Variants in MSR1 observed in about 807,000 individuals in gnomAD.
MSR1 encodes the protein macrophage scavenger receptor types I and II.
A neutral mutation model predicts 47.2 loss-of-function variants in MSR1; 53 were observed. The ratio of observed to expected loss-of-function variants is 1.12; its 90% CI spans 0.90 to 1.41. The LOEUF is 1.41. Among genes scored for constraint, MSR1 ranks in the 40% most tolerant of loss-of-function variants. MSR1 has a pLI of 0.00. For synonymous variants in MSR1, 239 were observed against 185.6 expected, an observed-to-expected ratio of 1.29 and a Z score of -2.34; for missense variants, 786 against 546.9, an observed-to-expected ratio of 1.44 and a Z score of -4.36.
At chr8:16,129,868 T>G (rs892737347) in intron 8 of MSR1, among the ~76,000 whole-genome samples, 1 of 152,004 alleles carries the variant, frequency 6.6e-6, no homozygotes, top group Non-Finnish European at 1.5e-5. Context: ...TTGAGCAAAA[T>G]AAATAATCTT....
intron 1 of MSR1, 72 bp downstream of exon 1, chr8:16,192,526 A>C (rs1000493893): frequency 6.6e-6 from 1 of 152,046 alleles, no homozygotes; most frequent in Non-Finnish European, 1.5e-5. Flanking sequence ...ACACACACAC[A>C]GAGTACACAC....
intron 1 of MSR1, among the ~76,000 whole-genome samples, chr8:16,184,575 G>T (rs1333969078): frequency 6.6e-6 from 1 of 152,088 alleles, no homozygotes; most frequent in Admixed American, 6.5e-5. Context: ...TTATTTTTCT[G>T]ATCGCATAAA....
intron 8 of MSR1, among the ~76,000 whole-genome samples, chr8:16,132,400 G>C (rs1207595402): frequency 1.3e-5 from 2 of 151,944 alleles, no homozygotes; most frequent in Non-Finnish European, 2.9e-5. Context: ...CAAGACTATG[G>C]GGTTTTCTAG....
intron 6 of MSR1, among the ~76,000 whole-genome samples, chr8:16,151,831 G>A (rs1395829571): frequency 1.3e-5 from 2 of 152,118 alleles, no homozygotes; most frequent in Non-Finnish European, 2.9e-5. Flanking sequence ...TAGCAGACTG[G>A]TTAAGGGCAT....
chr8:16,132,295 T>C (rs1800279555), intron 8 of MSR1, among the ~76,000 whole-genome samples: 1 of 152,044 alleles, frequency 6.6e-6, no homozygotes, highest in African/African-American at 2.4e-5. Context: ...AGCTTGACTG[T>C]TATTGGTGTA....
Position 16,115,180 on chromosome 8 carries a change from GA to G in MSR1, c.1223-4963del, listed in dbSNP as rs960254971. Among the ~76,000 whole-genome samples, 32 of 150,778 alleles carry G rather than the reference GA, an allele frequency of 2.1e-4. 1 individual carries two copies. The highest frequency in any genetic ancestry group is 3.4e-3 in the Middle Eastern group (1 of 294). On this transcript the variant is annotated intron_variant, in intron 9 of 9. Transcript: ENST00000262101. ...GGCAACAAGAGCGAAACTCCATCTCGAAAAAAAAATTGTTTTCTTTTTGTTT... is the reference window on the plus strand; with the variant it reads ...GGCAACAAGAGCGAAACTCCATCTCGAAAAAAAATTGTTTTCTTTTTGTTT...
Position 16,175,209 on chromosome 8 carries a change from G to T in MSR1, c.195C>A (p.Ile65=), listed in dbSNP as rs768942318. 1.2e-6 allele frequency: 2 copies of T among 1,613,970 alleles called. No homozygotes were observed. The highest frequency in any genetic ancestry group is 1.7e-5 in the Admixed American group (1 of 60,016). ...TACCTGCCACTATTCCAATGAGAGG[G>T]ATGAGAACTGCAAACACGAGGAGGT... The part of the protein sequence containing the change: ...ALYLLVFAVL[I]PLIGIVAAQL... The change falls in exon 3 of 10, where the codon ATC becomes ATA. Residue 65 remains isoleucine, a synonymous_variant. Transcript: ENST00000262101.
intron 8 of MSR1, among the ~76,000 whole-genome samples, chr8:16,128,043 A>G (rs1056092158): frequency 6.6e-6 from 1 of 152,200 alleles, no homozygotes; most frequent in Non-Finnish European, 1.5e-5. Flanking sequence ...ATTGGCAGTA[A>G]ACAAAAGTGA....
At chr8:16,144,285 G>A (rs1490581959) in intron 7 of MSR1, among the ~76,000 whole-genome samples, 9 of 152,044 alleles carry the variant, frequency 5.9e-5, no homozygotes, top group Non-Finnish European at 5.9e-5. Flanking sequence ...TTTTAAAGGG[G>A]TGTGCAGGAG....
Position 16,168,530 on chromosome 8 carries a change from T to C in MSR1, c.558A>G (p.Thr186=), listed in dbSNP as rs979429323. ...CTATGTTGAGCTGCAAATCAAGCAA[T>C]GTGGTATTCAAACTTATTAAGGACT... ...ISKSLISLNT[T]LLDLQLNIEN... Residue 186 remains threonine, a synonymous_variant, in exon 4 of 10, where the codon ACA becomes ACG. Transcript: ENST00000262101. 4 of 1,614,044 alleles carry C rather than the reference T, an allele frequency of 2.5e-6. No individual in the cohort carries two copies. In the African/African-American group the frequency reaches 4.0e-5, roughly 16 times the overall value.
chr8:16,166,699 C>G (rs1441896518), intron 4 of MSR1, among the ~76,000 whole-genome samples: 1 of 152,000 alleles, frequency 6.6e-6, no homozygotes, highest in Non-Finnish European at 1.5e-5. Context: ...AAATGCCACC[C>G]CTGTCTTTCA....
At chr8:16,176,517 A>C (rs1238255986) in intron 2 of MSR1, among the ~76,000 whole-genome samples, 1 of 151,844 alleles carries the variant, frequency 6.6e-6, no homozygotes, top group Non-Finnish European at 1.5e-5. Flanking sequence ...AAAAAGAAAA[A>C]AAAAAAAAGG....
chr8:16,182,828 G>C (rs1585197472), intron 1 of MSR1, among the ~76,000 whole-genome samples: 1 of 152,040 alleles, frequency 6.6e-6, no homozygotes, highest in Non-Finnish European at 1.5e-5. Flanking sequence ...AATAGGAGGA[G>C]TACACACCAA....
At chr8:16,132,335 T>C (rs1358710699) in intron 8 of MSR1, among the ~76,000 whole-genome samples, 1 of 152,104 alleles carries the variant, frequency 6.6e-6, no homozygotes, top group Non-Finnish European at 1.5e-5. Flanking sequence ...TGTACACTGA[T>C]TTTGTATCCT....
At chr8:16,118,684 A>G (rs967800000) in intron 9 of MSR1, among the ~76,000 whole-genome samples, 1 of 151,936 alleles carries the variant, frequency 6.6e-6, no homozygotes, top group African/African-American at 2.4e-5. Context: ...CTCCAAAACC[A>G]AAAAAACAAA....
chr8:16,186,163 T>C (rs1801992490), intron 1 of MSR1: 9 of 1,534,944 alleles, frequency 5.9e-6, no homozygotes, highest in Non-Finnish European at 7.9e-6. Context: ...GCTCACGGTT[T>C]TTTGTTGAGA....
At position 16,175,171 on chromosome 8, in the gene MSR1, C is replaced by T. The variant is rs1456871368; in HGVS notation, c.217+16G>A. ...CGGGACGAGTTACTAAATTTCAAAA[C>T]TCTGGGTTACGTTACCTGCCACTAT... is the stretch of plus-strand genomic sequence containing the variant. On this transcript the variant is annotated intron_variant, in intron 3 of 9. Transcript: ENST00000262101. The T allele has an allele frequency of 6.2e-7, 1 of 1,606,932 alleles. No homozygotes were observed. The highest frequency in any genetic ancestry group is 8.5e-7 in the Non-Finnish European group (1 of 1,173,590).
intron 9 of MSR1, among the ~76,000 whole-genome samples, chr8:16,115,006 C>T (rs1240892773): frequency 4.6e-5 from 7 of 151,600 alleles, no homozygotes; most frequent in Non-Finnish European, 7.4e-5. Context: ...GGAGAAACCC[C>T]GTCTCTACTA....
At chr8:16,144,562 A>G (rs1800648628) in intron 7 of MSR1, among the ~76,000 whole-genome samples, 1 of 152,132 alleles carries the variant, frequency 6.6e-6, no homozygotes. Flanking sequence ...AAATAATAAT[A>G]GTAATAATTT....
Sources: allele counts gnomAD v4.1 joint callset (sites outside exome capture counted in the v4.1 genomes callset), GRCh38; gene constraint gnomAD v4.1.1; transcripts MANE v1.5; gene names NCBI Gene and HGNC (gene_info 2026-07-23, HGNC 2026-07-21).